Variants in INTS6 observed in about 807,000 individuals in gnomAD.
The protein encoded by INTS6 is integrator complex subunit 6, also known as DEAD box protein.
Under a neutral mutation model 104.9 loss-of-function variants are expected in INTS6, and 16 were observed. That is an observed-to-expected ratio of 0.15 (90% CI 0.10 to 0.23). The LOEUF is 0.23. Among genes scored for constraint, INTS6 ranks in the 10% least tolerant of loss-of-function variants. The pLI is 1.00. For synonymous variants in INTS6, 324 were observed against 358.7 expected (o/e 0.90, Z 1.09); for missense variants, 584 against 1,062.8 (o/e 0.55, Z 6.26).
At chr13:51,412,640 G>C (rs375390937) in intron 4 of INTS6, among the ~76,000 whole-genome samples, 1 of 152,170 alleles carries the variant, frequency 6.6e-6, no homozygotes, top group Admixed American at 6.5e-5. Flanking sequence ...CCCTCTTAAG[G>C]CAACATAATA....
intron 4 of INTS6, among the ~76,000 whole-genome samples, chr13:51,398,077 C>A (rs1179737921): frequency 6.6e-6 from 1 of 152,066 alleles, no homozygotes; most frequent in Non-Finnish European, 1.5e-5. Context: ...CTGCAAATCA[C>A]CACCAACCTC....
intron 4 of INTS6, among the ~76,000 whole-genome samples, chr13:51,424,466 T>C (rs1203490102): frequency 1.1e-4 from 16 of 152,052 alleles, no homozygotes; most frequent in Admixed American, 1.0e-3. Flanking sequence ...TCTTTAATTA[T>C]GCATTATTAT....
intron 4 of INTS6, among the ~76,000 whole-genome samples, chr13:51,403,984 G>C (rs1201465897): frequency 6.6e-6 from 1 of 151,808 alleles, no homozygotes; most frequent in Non-Finnish European, 1.5e-5. Flanking sequence ...CACTTTGGGA[G>C]GCTGAGGCAG....
chr13:51,383,861 C>T (rs1956093099), intron 7 of INTS6, 120 bp from the exon 8 acceptor site: 1 of 699,028 alleles, frequency 1.4e-6, no homozygotes, highest in African/African-American at 1.8e-5. Flanking sequence ...TGATTTACTG[C>T]TAAAAGCAAC....
At chr13:51,345,645 G>A in the INTS6 span, among the ~76,000 whole-genome samples, 3 of 147,878 alleles carry the variant, frequency 2.0e-5, no homozygotes, top group South Asian at 6.6e-4. Context: ...TGTATACTAC[G>A]ACTGAATGGA....
intron 4 of INTS6, among the ~76,000 whole-genome samples, chr13:51,413,928 C>T (rs963940620): frequency 1.3e-5 from 2 of 152,194 alleles, no homozygotes; most frequent in Non-Finnish European, 2.9e-5. Flanking sequence ...TGCCCGTCCA[C>T]ATCTAGTCTC....
At chr13:51,412,008 A>C (rs142151929) in intron 4 of INTS6, among the ~76,000 whole-genome samples, 2 of 152,342 alleles carry the variant, frequency 1.3e-5, no homozygotes, top group East Asian at 3.9e-4. Context: ...ATATGCAGCA[A>C]GAATGAATCT....
chr13:51,407,297 GAATA>G (rs1195399306), intron 4 of INTS6, among the ~76,000 whole-genome samples: 1 of 152,178 alleles, frequency 6.6e-6, no homozygotes, highest in African/African-American at 2.4e-5. Flanking sequence ...ATGGATGGAT[GAATA>G]AATAATGTGA....
chr13:51,373,050 TA>T (rs1459342949), intron 15 of INTS6, among the ~76,000 whole-genome samples: 1 of 151,908 alleles, frequency 6.6e-6, no homozygotes, highest in Admixed American at 6.6e-5. Context: ...CTGGAAAAAA[TA>T]TTTTTTTTCC....
At chr13:51,379,291 T>C (rs1036935820) in intron 11 of INTS6, among the ~76,000 whole-genome samples, 171 bp downstream of exon 11, 7 of 152,034 alleles carry the variant, frequency 4.6e-5, no homozygotes, top group African/African-American at 2.4e-5. Flanking sequence ...TTTCAAAACA[T>C]AGCACACCAT....
At chr13:51,340,885 A>G in the INTS6 span, 4 of 598,786 alleles carry the variant, frequency 6.7e-6, no homozygotes, top group Non-Finnish European at 1.2e-5. Context: ...ATGCTGAAAC[A>G]AGAGGGTGCA....
At chr13:51,343,388 G>A in the INTS6 span, among the ~76,000 whole-genome samples, 1 of 152,222 alleles carries the variant, frequency 6.6e-6, no homozygotes, top group Non-Finnish European at 1.5e-5. Context: ...CAGTGGGCAA[G>A]AGCCCTCGTT....
chr13:51,451,723 C>G (rs1953054168), intron 2 of INTS6: 1 of 186,476 alleles, frequency 5.4e-6, no homozygotes, highest in Non-Finnish European at 1.1e-5. Context: ...GATAGCAGCG[C>G]CGCCGCCGCC....
chr13:51,342,257 G>A, the INTS6 span, among the ~76,000 whole-genome samples: 3 of 151,536 alleles, frequency 2.0e-5, no homozygotes, highest in East Asian at 5.8e-4. Flanking sequence ...GCTGTCCTAG[G>A]CAGGGTCATC....
chr13:51,446,173 T>C (rs773465178), intron 3 of INTS6: 11 of 152,154 alleles, frequency 7.2e-5, no homozygotes, highest in Admixed American at 5.2e-4. Flanking sequence ...ATTTATCTGA[T>C]AAGGGATTAA....
intron 15 of INTS6, among the ~76,000 whole-genome samples, chr13:51,370,225 T>C (rs1258638808): frequency 1.3e-5 from 2 of 152,228 alleles, no homozygotes; most frequent in Admixed American, 1.3e-4. Flanking sequence ...GAGACTGCTC[T>C]CCTTTCCAGA....
chr13:51,411,284 T>C (rs1392560945), intron 4 of INTS6, among the ~76,000 whole-genome samples: 1 of 151,792 alleles, frequency 6.6e-6, no homozygotes, highest in African/African-American at 2.4e-5. Context: ...CCAGGTGCAG[T>C]GGCTCACGCC....
intron 3 of INTS6, chr13:51,442,843 C>G (rs1952823775): frequency 6.6e-6 from 1 of 152,202 alleles, no homozygotes; most frequent in Admixed American, 6.5e-5. Context: ...ACAAAACCAG[C>G]CTGGTGCCAA....
intron 5 of INTS6, 129 bp downstream of exon 5, chr13:51,395,170 GC>G: frequency 1.2e-6 from 1 of 822,294 alleles, no homozygotes; most frequent in Non-Finnish European, 1.9e-6. Flanking sequence ...ACTATTAAAA[GC>G]ATATATGCCT....
Sources: allele counts gnomAD v4.1 joint callset (sites outside exome capture counted in the v4.1 genomes callset), GRCh38; gene constraint gnomAD v4.1.1; transcripts MANE v1.5; gene names NCBI Gene and HGNC (gene_info 2026-07-23, HGNC 2026-07-21).